RPS6KC1: variants seen among roughly 807,000 people sequenced by gnomAD.
The protein encoded by RPS6KC1 is inactive ribosomal protein S6 kinase delta-1.
A neutral mutation model predicts 103.8 loss-of-function variants in RPS6KC1; 54 were observed. That is an observed-to-expected ratio of 0.52 (90% CI 0.42 to 0.65). The LOEUF is 0.65. Ranked by LOEUF, RPS6KC1 falls within the 30% of genes least tolerant of loss-of-function variation. The probability of loss-of-function intolerance (pLI) is 0.00; values close to 1 mark genes in which losing one functional copy is unlikely to be tolerated. For missense variants in RPS6KC1, 1,151 were observed against 1,253.8 expected (o/e 0.92, Z 1.24); for synonymous variants, 439 against 438.7 (o/e 1.00, Z -0.01).
chr1:213,616,746 G>T, the RPS6KC1 span, among the ~76,000 whole-genome samples: 1 of 152,182 alleles, frequency 6.6e-6, no homozygotes, highest in African/African-American at 2.4e-5. Flanking sequence ...GGGCACCCAG[G>T]GTGGGCAGGG....
At chr1:213,823,431 G>A in the RPS6KC1 span, among the ~76,000 whole-genome samples, 1 of 152,090 alleles carries the variant, frequency 6.6e-6, no homozygotes, top group Non-Finnish European at 1.5e-5. Context: ...GAGTGTGCCA[G>A]GCCCCCAGCT....
At chr1:213,838,484 A>G in the RPS6KC1 span, among the ~76,000 whole-genome samples, 1 of 152,100 alleles carries the variant, frequency 6.6e-6, no homozygotes, top group African/African-American at 2.4e-5. Flanking sequence ...TTAGATCATG[A>G]GGCAAAAAGT....
the RPS6KC1 span, among the ~76,000 whole-genome samples, chr1:213,614,260 A>G: frequency 6.6e-6 from 1 of 152,232 alleles, no homozygotes; most frequent in Non-Finnish European, 1.5e-5. Context: ...TAGGAATTAC[A>G]TGGATGTGAG....
chr1:213,680,367 C>T, the RPS6KC1 span, among the ~76,000 whole-genome samples: 21 of 152,256 alleles, frequency 1.4e-4, no homozygotes, highest in East Asian at 7.7e-4. Flanking sequence ...AGTCCCAGCC[C>T]GGCTCTCCTG....
At chr1:213,217,589 A>G (rs1039962083) in intron 8 of RPS6KC1, among the ~76,000 whole-genome samples, 5 of 152,254 alleles carry the variant, frequency 3.3e-5, no homozygotes, top group African/African-American at 1.2e-4. Context: ...TTTTAGACCA[A>G]TAACCCTGAT....
the RPS6KC1 span, among the ~76,000 whole-genome samples, chr1:213,281,243 C>T: frequency 3.9e-5 from 6 of 152,202 alleles, no homozygotes; most frequent in Admixed American, 1.3e-4. Context: ...CTCACTTGCG[C>T]ATATACCTGT....
intron 7 of RPS6KC1, among the ~76,000 whole-genome samples, chr1:213,170,837 A>G (rs1209556973): frequency 6.6e-6 from 1 of 152,084 alleles, no homozygotes; most frequent in African/African-American, 2.4e-5. Context: ...TTATTATTTC[A>G]CTTCTTTAAC....
At chr1:213,172,316 A>G (rs575675593) in intron 7 of RPS6KC1, among the ~76,000 whole-genome samples, 4 of 152,314 alleles carry the variant, frequency 2.6e-5, no homozygotes, top group African/African-American at 9.6e-5. Flanking sequence ...AAAGCCTTTT[A>G]AAGAATGTAC....
At chr1:213,611,250 G>C in the RPS6KC1 span, among the ~76,000 whole-genome samples, 3 of 152,116 alleles carry the variant, frequency 2.0e-5, no homozygotes, top group Admixed American at 1.3e-4. Flanking sequence ...TTCTTTTCTA[G>C]GAGAGCAGAA....
the RPS6KC1 span, among the ~76,000 whole-genome samples, chr1:213,581,603 C>A: frequency 6.6e-6 from 1 of 152,044 alleles, no homozygotes; most frequent in Non-Finnish European, 1.5e-5. Flanking sequence ...AATGCCCAGG[C>A]ATCTCCAGGA....
chr1:213,796,071 G>A, the RPS6KC1 span, among the ~76,000 whole-genome samples: 1 of 152,218 alleles, frequency 6.6e-6, no homozygotes, highest in African/African-American at 2.4e-5. Context: ...AAAGAAAATG[G>A]TGATATTGTT....
the RPS6KC1 span, among the ~76,000 whole-genome samples, chr1:213,665,759 A>G: frequency 1.3e-5 from 2 of 152,218 alleles, no homozygotes; most frequent in African/African-American, 4.8e-5. Flanking sequence ...TTGTTTGTAG[A>G]TTGACAGATC....
intron 6 of RPS6KC1, among the ~76,000 whole-genome samples, chr1:213,132,057 A>G (rs538742680): frequency 5.9e-5 from 9 of 152,344 alleles, no homozygotes; most frequent in African/African-American, 1.9e-4. Context: ...GTGCTTCAAA[A>G]TGAGAATTAT....
chr1:213,552,536 T>A, the RPS6KC1 span, among the ~76,000 whole-genome samples: 1 of 152,244 alleles, frequency 6.6e-6, no homozygotes, highest in African/African-American at 2.4e-5. Context: ...GTTCATTTTT[T>A]AATACAGTTA....
chr1:213,114,600 A>T (rs1394463636), intron 4 of RPS6KC1, among the ~76,000 whole-genome samples: 1 of 151,474 alleles, frequency 6.6e-6, no homozygotes, highest in Non-Finnish European at 1.5e-5. Flanking sequence ...TATGTTGAAT[A>T]GGAGTGGTGA....
At chr1:213,247,300 AAAAATCATGCTG>A (rs2094469578) in intron 12 of RPS6KC1, among the ~76,000 whole-genome samples, 1 of 152,206 alleles carries the variant, frequency 6.6e-6, no homozygotes, top group African/African-American at 2.4e-5. Flanking sequence ...TGAAACATAG[AAAAATCATGCTG>A]AAAACTATCT....
chr1:213,647,428 A>C, the RPS6KC1 span, among the ~76,000 whole-genome samples: 1 of 152,188 alleles, frequency 6.6e-6, no homozygotes, highest in Non-Finnish European at 1.5e-5. Context: ...TTATTCCAGA[A>C]ATAATATGAG....
intron 8 of RPS6KC1, among the ~76,000 whole-genome samples, chr1:213,228,509 G>A (rs369581338): frequency 4.0e-5 from 6 of 151,652 alleles, no homozygotes; most frequent in Non-Finnish European, 5.9e-5. Flanking sequence ...TTGCTTGAGC[G>A]ATCGCAGGAG....
intron 8 of RPS6KC1, among the ~76,000 whole-genome samples, chr1:213,190,196 T>C (rs2092698796): frequency 6.6e-6 from 1 of 152,138 alleles, no homozygotes; most frequent in Non-Finnish European, 1.5e-5. Flanking sequence ...GAGGGTAAGG[T>C]AGCTCTATTT....
Sources: allele counts gnomAD v4.1 joint callset (sites outside exome capture counted in the v4.1 genomes callset), GRCh38; gene constraint gnomAD v4.1.1; transcripts MANE v1.5; gene names NCBI Gene and HGNC (gene_info 2026-07-23, HGNC 2026-07-21).